The following CUX2 variants were observed in gnomAD, a reference collection of about 807,000 sequenced individuals.
CUX2 encodes the protein homeobox protein cut-like 2.
In CUX2, 40 loss-of-function variants were observed where a neutral mutation model predicts 144.8. That is an observed-to-expected ratio of 0.28 (90% CI 0.21 to 0.36). The LOEUF is 0.36. Among genes scored for constraint, CUX2 ranks in the 10% least tolerant of loss-of-function variants. The pLI, the probability that CUX2 is intolerant of heterozygous loss-of-function variation, is 1.00. For missense variants in CUX2, 1,615 were observed against 1,994.0 expected, an observed-to-expected ratio of 0.81 and a Z score of 3.62; for synonymous variants, 827 against 875.6, an observed-to-expected ratio of 0.94 and a Z score of 0.98.
chr12:111,223,097 C>G (rs762283411), intron 3 of CUX2, among the ~76,000 whole-genome samples: 1 of 152,098 alleles, frequency 6.6e-6, no homozygotes, highest in Non-Finnish European at 1.5e-5. Flanking sequence ...CTATTGGCAG[C>G]GTGCAGGTCC....
chr12:111,102,774 C>G, intron 1 of CUX2, among the ~76,000 whole-genome samples: 1 of 152,124 alleles, frequency 6.6e-6, no homozygotes, highest in Middle Eastern at 3.2e-3. Flanking sequence ...CTCTCTGAGC[C>G]TCTGTTTACC....
chr12:111,086,477 C>T (rs1439049059), intron 1 of CUX2, among the ~76,000 whole-genome samples: 2 of 152,150 alleles, frequency 1.3e-5, no homozygotes, highest in African/African-American at 4.8e-5. Context: ...AGGAACTGTC[C>T]AATTTATCTT....
chr12:111,177,376 A>G (rs958992917), intron 1 of CUX2, among the ~76,000 whole-genome samples: 9 of 151,746 alleles, frequency 5.9e-5, no homozygotes, highest in Non-Finnish European at 1.3e-4. Flanking sequence ...TCCTAGTTGC[A>G]GTTTTCATTT....
chr12:111,205,496 C>T (rs1447728656), intron 1 of CUX2, among the ~76,000 whole-genome samples: 1 of 152,178 alleles, frequency 6.6e-6, no homozygotes, highest in African/African-American at 2.4e-5. Flanking sequence ...GCCCACTGTG[C>T]ACCAGGCGTT....
intron 1 of CUX2, among the ~76,000 whole-genome samples, chr12:111,140,439 C>A (rs1592933173): frequency 6.6e-6 from 1 of 152,134 alleles, no homozygotes; most frequent in Non-Finnish European, 1.5e-5. Flanking sequence ...AATTGAGCAC[C>A]CCCTCTTGAT....
At chr12:111,303,075 AC>A (rs1431438663) in intron 9 of CUX2, among the ~76,000 whole-genome samples, 27 of 145,956 alleles carry the variant, frequency 1.8e-4, no homozygotes, top group African/African-American at 6.4e-4. Context: ...ACAAAAATTA[AC>A]CCGTCATGGT....
chr12:111,328,984 T>TCCCTCC (rs1887965369), intron 18 of CUX2, among the ~76,000 whole-genome samples: 4 of 93,060 alleles, frequency 4.3e-5, no homozygotes, highest in African/African-American at 4.6e-5. Flanking sequence ...TCCCCCTCTC[T>TCCCTCC]CCCTCTCTCC....
chr12:111,134,353 C>T (rs1169044785), intron 1 of CUX2, among the ~76,000 whole-genome samples: 6 of 152,178 alleles, frequency 3.9e-5, no homozygotes, highest in African/African-American at 1.4e-4. Flanking sequence ...TTTGGAATAT[C>T]TATTGGAGAT....
intron 1 of CUX2, among the ~76,000 whole-genome samples, chr12:111,210,324 G>A (rs1331011439): frequency 6.6e-6 from 1 of 152,160 alleles, no homozygotes; most frequent in Non-Finnish European, 1.5e-5. Flanking sequence ...TTCTTTTAGG[G>A]TGGGAGGGAG....
At chr12:111,233,432 A>G (rs12296803) in intron 3 of CUX2, among the ~76,000 whole-genome samples, 68 of 152,304 alleles carry the variant, frequency 4.5e-4, no homozygotes, top group African/African-American at 1.6e-3. Flanking sequence ...CTCTCACCAC[A>G]AGCACAAAAT....
At chr12:111,090,307 G>A (rs1872486494) in intron 1 of CUX2, among the ~76,000 whole-genome samples, 1 of 152,278 alleles carries the variant, frequency 6.6e-6, no homozygotes, top group Admixed American at 6.5e-5. Flanking sequence ...GGAGTCTCTC[G>A]CTCTGGAGTG....
intron 1 of CUX2, among the ~76,000 whole-genome samples, chr12:111,099,231 G>A (rs1373499575): frequency 6.6e-6 from 1 of 152,238 alleles, no homozygotes; most frequent in African/African-American, 2.4e-5. Context: ...TCAAGGTGGA[G>A]GAAACGGCCT....
intron 1 of CUX2, among the ~76,000 whole-genome samples, chr12:111,212,101 C>T (rs1017616988): frequency 6.6e-6 from 1 of 152,096 alleles, no homozygotes; most frequent in Non-Finnish European, 1.5e-5. Context: ...AGATTCTGTC[C>T]ACCTGGCCGC....
intron 18 of CUX2, among the ~76,000 whole-genome samples, chr12:111,326,978 A>G (rs752022463): frequency 1.2e-4 from 19 of 152,304 alleles, no homozygotes; most frequent in Non-Finnish European, 2.4e-4. Flanking sequence ...TATACAATTC[A>G]GTGGATCTAA....
chr12:111,186,436 G>A lies in CUX2; in HGVS notation c.64-27764G>A, dbSNP rs186309626. Among the ~76,000 whole-genome samples, 457 of 152,316 alleles carry A rather than the reference G, an allele frequency of 3.0e-3. 2 individuals are homozygous for A. The highest frequency in any genetic ancestry group is 6.6e-3 in the South Asian group (32 of 4,828). On this transcript the variant is annotated intron_variant, in intron 1 of 21. Coordinates refer to ENST00000261726, the MANE Select transcript of CUX2 (RefSeq NM_015267.4). This position sits in a 1 kb window ranked among gnomAD's most constrained non-coding sequence, Gnocchi z 4.4. Reference sequence around the variant, plus strand: ...TTGCTATGACGTTAAGCTGAGACCCGAAGCATAAACTAGGCGGGGAACAGG... The same window carrying A: ...TTGCTATGACGTTAAGCTGAGACCCAAAGCATAAACTAGGCGGGGAACAGG...
chr12:111,334,667 C>T lies in CUX2; in HGVS notation c.3153C>T (p.Ser1051=). The change falls in exon 19 of 22, where the codon TCC becomes TCT. Residue 1051 remains serine, a synonymous_variant. Coordinates refer to ENST00000261726, the MANE Select transcript of CUX2 (RefSeq NM_015267.4). ...TGTCCCCCGAGCTGGACACGTACTC[C>T]ATCACCAAGAGGGTGAAGGAGGTCC... The part of the protein sequence containing the change: ...VAMSPELDTY[S]ITKRVKEVLT... 1.2e-6 allele frequency: 2 copies of T among 1,613,680 alleles called. No individual in the cohort carries two copies. The highest frequency in any genetic ancestry group is 1.7e-6 in the Non-Finnish European group (2 of 1,179,878).
chr12:111,095,688 G>A (rs1872773711), intron 1 of CUX2, among the ~76,000 whole-genome samples: 3 of 152,294 alleles, frequency 2.0e-5, no homozygotes, highest in Middle Eastern at 6.8e-3. Context: ...AGATGAGAGG[G>A]TGCAGGTGAA....
At chr12:111,194,354 G>C (rs1336312117) in intron 1 of CUX2, among the ~76,000 whole-genome samples, 1 of 152,218 alleles carries the variant, frequency 6.6e-6, no homozygotes, top group Non-Finnish European at 1.5e-5. Flanking sequence ...TAACAGGCTA[G>C]ACCCGAGTTT....
intron 1 of CUX2, among the ~76,000 whole-genome samples, chr12:111,166,335 T>G (rs1878141874): frequency 6.6e-6 from 1 of 152,224 alleles, no homozygotes; most frequent in Non-Finnish European, 1.5e-5. Flanking sequence ...GACATTTATT[T>G]TAACTGCTTG....
Sources: gnomAD v4.1 joint callset for allele counts (sites outside exome capture counted in the v4.1 genomes callset) on GRCh38, gnomAD v4.1.1 for gene constraint, Gnocchi (gnomAD v3.1) non-coding constraint, MANE v1.5 for transcripts, NCBI Gene and HGNC (gene_info 2026-07-23, HGNC 2026-07-21) for gene names.